Variants in NFIA observed in about 807,000 individuals in gnomAD.
The protein encoded by NFIA is nuclear factor 1 A-type.
Under a neutral mutation model 62.8 loss-of-function variants are expected in NFIA, and 8 were observed. That is an observed-to-expected ratio of 0.13 (90% CI 0.07 to 0.23). The LOEUF is 0.23. Among genes scored for constraint, NFIA ranks in the 10% least tolerant of loss-of-function variants. The probability of loss-of-function intolerance (pLI) is 1.00; values close to 1 mark genes in which losing one functional copy is unlikely to be tolerated. For synonymous variants in NFIA, 235 were observed against 238.1 expected (o/e 0.99, Z 0.12); for missense variants, 410 against 642.1 (o/e 0.64, Z 3.91).
intron 2 of NFIA, among the ~76,000 whole-genome samples, chr1:61,158,934 A>G (rs182225536): frequency 6.6e-6 from 1 of 152,364 alleles, no homozygotes; most frequent in East Asian, 1.9e-4. Flanking sequence ...AATGTGGGAA[A>G]GAAATGGTGT....
intron 3 of NFIA, among the ~76,000 whole-genome samples, chr1:61,323,993 A>G (rs1289357381): frequency 6.6e-6 from 1 of 152,214 alleles, no homozygotes; most frequent in Non-Finnish European, 1.5e-5. Flanking sequence ...TAAGACAAGC[A>G]GAGAAGTTCT....
intron 2 of NFIA, among the ~76,000 whole-genome samples, chr1:61,266,497 A>G (rs1657177124): frequency 6.6e-6 from 1 of 152,062 alleles, no homozygotes. Flanking sequence ...CTCCCGGTTC[A>G]AGCAATTCTC....
In NFIA at chr1:61,192,842, C is replaced by T. The variant is rs538623009; in HGVS notation, c.560-84678C>T. 3.6e-4 allele frequency among the ~76,000 whole-genome samples: 55 copies of T among 152,284 alleles called. No individual in the cohort carries two copies. The South Asian group carries it at 0.011, about 30-fold the overall frequency. On this transcript the variant is annotated intron_variant, in intron 2 of 10. Transcript: ENST00000403491. The stretch of plus-strand genomic sequence containing the variant: ...AAGTATTTCTGATCTAAAGAGGAAA[C>T]TCCATAAATCACCCATGGTAATGTG...
chr1:61,454,787 T>G (rs1668227926), intron 10 of NFIA, among the ~76,000 whole-genome samples: 1 of 152,102 alleles, frequency 6.6e-6, no homozygotes, highest in South Asian at 2.1e-4. Flanking sequence ...GTTAGGAGAG[T>G]GTCACAATCA....
intron 3 of NFIA, among the ~76,000 whole-genome samples, chr1:61,285,844 G>T (rs1257112149): frequency 6.6e-6 from 1 of 152,154 alleles, no homozygotes; most frequent in Admixed American, 6.5e-5. Flanking sequence ...GCAAGGCTCG[G>T]CAAAATAGGA....
intron 2 of NFIA, among the ~76,000 whole-genome samples, chr1:61,193,087 A>G (rs1228774074): frequency 6.6e-6 from 1 of 152,256 alleles, no homozygotes; most frequent in Non-Finnish European, 1.5e-5. Flanking sequence ...ACTGGAAACC[A>G]CTGCCAGAAT....
intron 2 of NFIA, among the ~76,000 whole-genome samples, chr1:61,191,996 G>A (rs937552040): frequency 1.1e-4 from 16 of 151,986 alleles, no homozygotes; most frequent in Admixed American, 1.0e-3. Flanking sequence ...GTCTTGCTCT[G>A]GTGCCCAGGC....
intron 10 of NFIA, among the ~76,000 whole-genome samples, chr1:61,452,790 G>A (rs188271266): frequency 3.9e-5 from 6 of 152,330 alleles, no homozygotes; most frequent in African/African-American, 1.2e-4. Context: ...CTCTGAGAGT[G>A]TGTGGTTAGC....
At chr1:61,389,469 G>A (rs74086957) in intron 7 of NFIA, among the ~76,000 whole-genome samples, 2,099 of 152,256 alleles carry the variant, frequency 0.014, 52 homozygotes, top group African/African-American at 0.048. Flanking sequence ...GTAAATAAGG[G>A]ATAAATATGC....
At chr1:61,258,896 T>G (rs964692497) in intron 2 of NFIA, among the ~76,000 whole-genome samples, 25 of 152,002 alleles carry the variant, frequency 1.6e-4, no homozygotes, top group Admixed American at 1.6e-3. Flanking sequence ...CCCAGCTAAT[T>G]TTTTTGTAGA....
chr1:61,146,897 G>A (rs1233361041), intron 2 of NFIA, among the ~76,000 whole-genome samples: 1 of 152,100 alleles, frequency 6.6e-6, no homozygotes, highest in African/African-American at 2.4e-5. Flanking sequence ...TTTACCAGAA[G>A]CTGAAAGTAG....
At chr1:61,244,013 T>C (rs1161047566) in intron 2 of NFIA, among the ~76,000 whole-genome samples, 1 of 152,186 alleles carries the variant, frequency 6.6e-6, no homozygotes, top group Admixed American at 6.5e-5. Flanking sequence ...ATATTTAGCA[T>C]TTTACCCTTT....
intron 2 of NFIA, among the ~76,000 whole-genome samples, chr1:61,203,192 A>G (rs1227583836): frequency 6.6e-6 from 1 of 152,098 alleles, no homozygotes; most frequent in African/African-American, 2.4e-5. Flanking sequence ...ACTTTTCTCC[A>G]TGAGCCACAT....
chr1:61,292,402 A>AT (rs1268203593), intron 3 of NFIA, among the ~76,000 whole-genome samples: 1 of 152,204 alleles, frequency 6.6e-6, no homozygotes, highest in Non-Finnish European at 1.5e-5. Flanking sequence ...ATACATAATC[A>AT]TAAGTTATTC....
At chr1:61,328,241 A>C (rs942633211) in intron 3 of NFIA, among the ~76,000 whole-genome samples, 1 of 152,024 alleles carries the variant, frequency 6.6e-6, no homozygotes, top group East Asian at 1.9e-4. Context: ...AGTGTCTCCA[A>C]CATCTTGCTC....
intron 2 of NFIA, among the ~76,000 whole-genome samples, chr1:61,221,216 T>G (rs1042395174): frequency 1.3e-5 from 2 of 151,716 alleles, no homozygotes; most frequent in Non-Finnish European, 2.9e-5. Flanking sequence ...GTATAAAAAT[T>G]ACATTCTCTA....
chr1:61,377,505 T>A (rs1298264054), intron 6 of NFIA, among the ~76,000 whole-genome samples: 4 of 152,264 alleles, frequency 2.6e-5, no homozygotes, highest in African/African-American at 9.6e-5. Context: ...ATGATGACAA[T>A]GAACAGGACA....
intron 2 of NFIA, among the ~76,000 whole-genome samples, chr1:61,184,094 C>T (rs1429032201): frequency 2.1e-5 from 3 of 143,994 alleles, no homozygotes; most frequent in East Asian, 2.0e-4. Context: ...CTACTCAGAT[C>T]CGTAAGGTTT....
chr1:61,188,194 G>A (rs573061046), intron 2 of NFIA, among the ~76,000 whole-genome samples: 243 of 152,050 alleles, frequency 1.6e-3, no homozygotes, highest in African/African-American at 5.2e-3. Context: ...CCACAGGTGC[G>A]CGCCCCCACG....
Sources: allele counts gnomAD v4.1 joint callset (sites outside exome capture counted in the v4.1 genomes callset), GRCh38; gene constraint gnomAD v4.1.1; transcripts MANE v1.5; gene names NCBI Gene and HGNC (gene_info 2026-07-23, HGNC 2026-07-21).